Variants in PPP1R16B observed in about 807,000 individuals in gnomAD.
PPP1R16B encodes protein phosphatase 1 regulatory inhibitor subunit 16B.
A neutral mutation model predicts 61.7 loss-of-function variants in PPP1R16B; 14 were observed. The ratio of observed to expected loss-of-function variants is 0.23; its 90% CI spans 0.15 to 0.35. The LOEUF (loss-of-function observed/expected upper bound fraction) is 0.35. PPP1R16B is among the 10% of genes least tolerant of loss of function. The pLI is 1.00. For synonymous variants in PPP1R16B, 266 were observed against 305.3 expected (o/e 0.87, Z 1.34); for missense variants, 547 against 752.5 (o/e 0.73, Z 3.19).
chr20:38,825,949 G>A (rs2084802930), intron 1 of PPP1R16B, among the ~76,000 whole-genome samples: 1 of 152,166 alleles, frequency 6.6e-6, no homozygotes, highest in South Asian at 2.1e-4. Flanking sequence ...TATCACACAT[G>A]GCTTCGTAAT....
intron 2 of PPP1R16B, among the ~76,000 whole-genome samples, chr20:38,873,283 G>C (rs1301286311): frequency 6.6e-6 from 1 of 152,184 alleles, no homozygotes; most frequent in Non-Finnish European, 1.5e-5. Context: ...CTGTGGGTGA[G>C]GGGGAGGTTG....
At chr20:38,854,084 G>A (rs2084987088) in intron 2 of PPP1R16B, among the ~76,000 whole-genome samples, 1 of 152,070 alleles carries the variant, frequency 6.6e-6, no homozygotes, top group South Asian at 2.1e-4. Flanking sequence ...CTTTAGATCC[G>A]AATTCTAGCA....
intron 2 of PPP1R16B, among the ~76,000 whole-genome samples, chr20:38,870,490 G>A (rs1013390417): frequency 6.6e-6 from 1 of 152,186 alleles, no homozygotes; most frequent in African/African-American, 2.4e-5. Context: ...TGACACTTAA[G>A]AGACCTGAAG....
At chr20:38,873,734 C>CTTTT (rs1329509887) in intron 2 of PPP1R16B, among the ~76,000 whole-genome samples, 5 of 108,718 alleles carry the variant, frequency 4.6e-5, no homozygotes, top group Admixed American at 1.0e-4. Context: ...GCTGAAACAT[C>CTTTT]TTTTTTTTGT....
intron 4 of PPP1R16B, among the ~76,000 whole-genome samples, chr20:38,898,393 A>G (rs1022185334): frequency 2.0e-5 from 3 of 152,058 alleles, no homozygotes; most frequent in African/African-American, 7.2e-5. Context: ...AGAGTTTTGG[A>G]GTTCGTTTTG....
At chr20:38,830,539 A>G (rs2084830485) in intron 1 of PPP1R16B, among the ~76,000 whole-genome samples, 1 of 152,244 alleles carries the variant, frequency 6.6e-6, no homozygotes, top group African/African-American at 2.4e-5. Context: ...AAACAAATCC[A>G]CAGGAAACAA....
intron 10 of PPP1R16B, among the ~76,000 whole-genome samples, chr20:38,910,854 G>T (rs1390944710): frequency 6.6e-6 from 1 of 152,020 alleles, no homozygotes; most frequent in East Asian, 1.9e-4. Flanking sequence ...AATTAGCTGG[G>T]CATGGTGGCA....
chr20:38,850,288 C>A (rs1349470962), intron 2 of PPP1R16B, among the ~76,000 whole-genome samples: 1 of 152,116 alleles, frequency 6.6e-6, no homozygotes, highest in Non-Finnish European at 1.5e-5. Flanking sequence ...CATATGCCCA[C>A]TCCTGGAGTC....
chr20:38,857,690 C>T (rs79074988), intron 2 of PPP1R16B, among the ~76,000 whole-genome samples: 5,107 of 152,210 alleles, frequency 0.034, 119 homozygotes, highest in Admixed American at 0.073. Context: ...TCTTAAAGCT[C>T]CATTTTTGGC....
chr20:38,889,450 G>A (rs113939835), intron 2 of PPP1R16B, 145 bp from the exon 3 acceptor site: 60 of 691,982 alleles, frequency 8.7e-5, no homozygotes, highest in Non-Finnish European at 1.5e-4. Flanking sequence ...TGGAAATTCT[G>A]GGCGTCAGTT....
In PPP1R16B at chr20:38,907,601, A is replaced by C. The variant is rs115250290; in HGVS notation, c.899-205A>C. ...AAGCTTAGGAATTGTGACTGTGCCC[A>C]GAACCTGGGTTTCCCATTCTTATAA... On this transcript the variant is annotated intron_variant, in intron 8 of 10. Transcript: ENST00000299824. The surrounding 1 kb of genome is among the most constrained non-coding windows in gnomAD (Gnocchi z 4.5). Among the ~76,000 whole-genome samples, 1,361 of 152,300 alleles carry C rather than the reference A, an allele frequency of 8.9e-3. 16 individuals are homozygous for C. The highest frequency in any genetic ancestry group is 0.028 in the African/African-American group (1,162 of 41,562).
At chr20:38,883,989 G>A (rs1309903523) in intron 2 of PPP1R16B, among the ~76,000 whole-genome samples, 3 of 152,160 alleles carry the variant, frequency 2.0e-5, no homozygotes, top group African/African-American at 7.2e-5. Flanking sequence ...CAAACTGATG[G>A]CAGAGCCTGG....
chr20:38,902,651 CCT>C lies in PPP1R16B; in HGVS notation c.572-14_572-13del, dbSNP rs752808782. 2 of 1,614,098 alleles carry C rather than the reference CCT, an allele frequency of 1.2e-6. No homozygotes were observed. Among genetic ancestry groups the C allele is most frequent in the African/African-American group, 1.3e-5 (1 of 75,066 alleles). On this transcript the variant is annotated splice_polypyrimidine_tract_variant and intron_variant, in intron 5 of 10. Transcript: ENST00000299824. ...AGGCCTGAGGGTGCTAAATAAATCC[CCT>C]CTTTCCCACTGCAGGCATCACCCAA... is the stretch of plus-strand genomic sequence containing the variant.
At chr20:38,812,001 A>G (rs1601227962) in intron 1 of PPP1R16B, among the ~76,000 whole-genome samples, 1 of 152,202 alleles carries the variant, frequency 6.6e-6, no homozygotes, top group East Asian at 1.9e-4. Context: ...AATATGCATT[A>G]AAGGAATGAA....
In PPP1R16B at chr20:38,806,634, C is replaced by T. The variant is rs2084663553; in HGVS notation, c.-102+842C>T. Among the ~76,000 whole-genome samples the T allele has an allele frequency of 6.6e-6, 1 of 152,142 alleles. No homozygotes were observed. The highest frequency in any genetic ancestry group is 1.9e-4 in the East Asian group (1 of 5,166). On this transcript the variant is annotated intron_variant, in intron 1 of 10. Transcript: ENST00000299824. This position sits in a 1 kb window ranked among gnomAD's most constrained non-coding sequence, Gnocchi z 4.5. ...CCCGGAGTGCCCAGGCTGAGCTGCC[C>T]AGACCGCCCCGGGTGGAGAGCCGGG...
At chr20:38,883,940 C>T (rs1048302126) in intron 2 of PPP1R16B, among the ~76,000 whole-genome samples, 7 of 152,206 alleles carry the variant, frequency 4.6e-5, no homozygotes, top group African/African-American at 1.7e-4. Context: ...CCTAGAGCCG[C>T]AGCTAAGCAA....
Position 38,806,047 on chromosome 20 carries a change from A to T in PPP1R16B, c.-102+255A>T, listed in dbSNP as rs2084658112. On this transcript the variant is annotated intron_variant, in intron 1 of 10. Coordinates refer to ENST00000299824, the MANE Select transcript of PPP1R16B (RefSeq NM_015568.4). This position sits in a 1 kb window ranked among gnomAD's most constrained non-coding sequence, Gnocchi z 4.5. Reference sequence around the variant, plus strand: ...GGCCTCGCAATTCCTTGACGAGGCCAGGGGAGGGGGCGCATTGGCAGGTTG... The same window carrying T: ...GGCCTCGCAATTCCTTGACGAGGCCTGGGGAGGGGGCGCATTGGCAGGTTG... Among the ~76,000 whole-genome samples, 1 of 150,406 alleles carries T rather than the reference A, an allele frequency of 6.6e-6. No homozygotes were observed. The highest frequency in any genetic ancestry group is 1.5e-5 in the Non-Finnish European group (1 of 67,554).
At chr20:38,851,371 A>G (rs1330505608) in intron 2 of PPP1R16B, among the ~76,000 whole-genome samples, 1 of 151,982 alleles carries the variant, frequency 6.6e-6, no homozygotes, top group East Asian at 1.9e-4. Flanking sequence ...AGGCTGAGGC[A>G]GGAGAATTGC....
At chr20:38,815,366 T>C (rs1381249516) in intron 1 of PPP1R16B, among the ~76,000 whole-genome samples, 1 of 152,266 alleles carries the variant, frequency 6.6e-6, no homozygotes, top group Admixed American at 6.5e-5. Flanking sequence ...TAAGGCTATC[T>C]GATAGTCCAG....
Sources: allele counts gnomAD v4.1 joint callset (sites outside exome capture counted in the v4.1 genomes callset), GRCh38; gene constraint gnomAD v4.1.1; non-coding constraint Gnocchi (gnomAD v3.1); transcripts MANE v1.5; gene names NCBI Gene and HGNC (gene_info 2026-07-23, HGNC 2026-07-21).